Variants in IFT172 observed in about 807,000 individuals in gnomAD.
IFT172 encodes the protein intraflagellar transport protein 172 homolog.
Under a neutral mutation model 248.9 loss-of-function variants are expected in IFT172, and 164 were observed. The ratio of observed to expected loss-of-function variants is 0.66; its 90% CI spans 0.58 to 0.75. The LOEUF (loss-of-function observed/expected upper bound fraction) is 0.75, where lower values mean the gene tolerates loss of function less well. Among genes scored for constraint, IFT172 ranks in the 30% least tolerant of loss-of-function variants. The probability of loss-of-function intolerance (pLI) is 0.00; values close to 1 mark genes in which losing one functional copy is unlikely to be tolerated. For missense variants in IFT172, 1,950 were observed against 2,192.4 expected (o/e 0.89, Z 2.21); for synonymous variants, 729 against 791.6 (o/e 0.92, Z 1.33).
At chr2:27,481,752 G>A (rs1668390913) in intron 7 of IFT172, among the ~76,000 whole-genome samples, 1 of 151,710 alleles carries the variant, frequency 6.6e-6, no homozygotes, top group Non-Finnish European at 1.5e-5. Flanking sequence ...TGTTGGTCAG[G>A]CTGGTCTCGA....
chr2:27,468,426 G>T (rs183546477), intron 16 of IFT172, among the ~76,000 whole-genome samples: 1,757 of 151,784 alleles, frequency 0.012, 16 homozygotes, highest in South Asian at 0.037. Context: ...TAGAGATGCG[G>T]TTTCGCCATG....
chr2:27,481,385 C>T, intron 7 of IFT172, 125 bp from the exon 8 acceptor site: 1 of 692,692 alleles, frequency 1.4e-6, no homozygotes, highest in South Asian at 1.8e-5. Flanking sequence ...CAACATTTCC[C>T]TATCCCAACA....
At position 27,458,251 on chromosome 2, in the gene IFT172, TC is replaced by T. The variant is rs755300103; in HGVS notation, c.2878-29del. The T allele has an allele frequency of 3.8e-6, 6 of 1,583,548 alleles. No individual in the cohort carries two copies. The East Asian group carries it at 8.9e-5, about 24-fold the overall frequency. ...GTGGAGGCACAGAGGCAAGGCAGCC[TC>T]AGATCCAATTCCCCAGGGAAGCAGG... On this transcript the variant is annotated intron_variant, in intron 26 of 47. Transcript: ENST00000260570.
chr2:27,459,454 T>C lies in IFT172; in HGVS notation c.2711A>G (p.Asp904Gly), dbSNP rs1360727366. Reference sequence around the variant, plus strand: ...GGATGCAGTGTTCCGGTCCTGTAGATCTAATATATAAATTGCCTTCTTCCA... The same window carrying C: ...GGATGCAGTGTTCCGGTCCTGTAGACCTAATATATAAATTGCCTTCTTCCA... Reference protein sequence around the residue: ...RQWKKAIYILDLQDRNTASKY... With the variant: ...RQWKKAIYILGLQDRNTASKY... The change falls in exon 25 of 48, where the codon GAT becomes GGT. Residue 904 changes from aspartate (D) to glycine (G), a missense_variant. By Grantham distance (94) the Asp-to-Gly change is moderately conservative. Transcript: ENST00000260570. 2 of 1,614,182 alleles carry C rather than the reference T, an allele frequency of 1.2e-6. No individual in the cohort carries two copies. Among genetic ancestry groups the C allele is most frequent in the Admixed American group, 3.3e-5 (2 of 60,010 alleles).
At chr2:27,463,272 T>A in intron 18 of IFT172, 91 bp from the exon 19 acceptor site, 3 of 1,187,306 alleles carry the variant, frequency 2.5e-6, no homozygotes, top group Non-Finnish European at 3.6e-6. Flanking sequence ...GATGTACATC[T>A]ATGATGTGCC....
rs564792972 is a variant in IFT172, at chr2:27,483,377, C to T, written c.483-1G>A. On this transcript the variant is annotated splice_acceptor_variant, in intron 6 of 47. Coordinates refer to ENST00000260570, the MANE Select transcript of IFT172 (RefSeq NM_015662.3). LOFTEE classifies it high-confidence loss of function. ...AGAGAGAATTCCTTTCCCAGAGCAA[C>T]TAAAAAAGGAGAAAGGAGAGAAATA... is the stretch of plus-strand genomic sequence containing the variant. 2 of 1,592,056 alleles carry T rather than the reference C, an allele frequency of 1.3e-6. No homozygotes were observed. The highest frequency in any genetic ancestry group is 2.2e-5 in the South Asian group (2 of 90,572).
intron 16 of IFT172, among the ~76,000 whole-genome samples, chr2:27,468,751 A>T (rs906320075): frequency 2.0e-5 from 3 of 150,858 alleles, no homozygotes; most frequent in Admixed American, 1.3e-4. Context: ...TGGGAGGCTG[A>T]GGCAGGAGAA....
intron 42 of IFT172, 147 bp from the exon 43 acceptor site, chr2:27,446,502 T>TG: frequency 3.0e-6 from 2 of 658,966 alleles, no homozygotes; most frequent in Non-Finnish European, 5.1e-6. Flanking sequence ...GTCTTAGTTT[T>TG]TTTTTTCTTT....
At chr2:27,448,825 TCTGAGAAGATAGTTC>T (rs1243172068) in intron 40 of IFT172, 75 bp downstream of exon 40, 2 of 769,578 alleles carry the variant, frequency 2.6e-6, no homozygotes, top group East Asian at 2.4e-5. Context: ...GATAGAATCC[TCTGAGAAGATAGTTC>T]CTGAGAAGAT....
At position 27,461,094 on chromosome 2, in the gene IFT172, C is replaced by G; in HGVS notation, c.2443-1G>C. ...GAATCTTCTCAAAGAGATCACCTGC[C>G]TGTTAACACATACCACATTACTATG... On this transcript the variant is annotated splice_acceptor_variant, in intron 22 of 47. Transcript: ENST00000260570. LOFTEE classifies it high-confidence loss of function. 4.3e-6 allele frequency: 7 copies of G among 1,614,134 alleles called. No individual in the cohort carries two copies. The highest frequency in any genetic ancestry group is 5.9e-6 in the Non-Finnish European group (7 of 1,180,036).
At chr2:27,456,999 T>C (rs2148495348) in intron 29 of IFT172, among the ~76,000 whole-genome samples, 1 of 152,138 alleles carries the variant, frequency 6.6e-6, no homozygotes, top group East Asian at 1.9e-4. Context: ...GAGCCAAGAC[T>C]GTGCCACTGC....
rs1335434774 is a variant in IFT172, at chr2:27,459,818, C to T, written c.2533G>A (p.Ala845Thr). 1 of 1,611,644 alleles carries T rather than the reference C, an allele frequency of 6.2e-7. No homozygotes were observed. The highest frequency in any genetic ancestry group is 1.7e-5 in the Admixed American group (1 of 60,024). Residue 845 changes from alanine to threonine, a missense_variant, in exon 24 of 48, where the codon GCT (alanine) becomes ACT (threonine). Ala to Thr is a moderately conservative substitution (Grantham distance 58). This residue lies in a region of IFT172 where 1,166 missense variants were observed against 1,254.1 expected (regional missense o/e 0.93). Coordinates refer to ENST00000260570, the MANE Select transcript of IFT172 (RefSeq NM_015662.3). ...GNAFMKAVELARLAFPVEVVK... is the reference protein window; with the variant it reads ...GNAFMKAVELTRLAFPVEVVK... ...ACCTCCACTGGGAAGGCCAATCGAG[C>T]CAGCTCTACCGCTGCCAGGGAGAGA...
chr2:27,445,476 G>A lies in IFT172; in HGVS notation c.4915-27C>T. 1 of 1,601,258 alleles carries A rather than the reference G, an allele frequency of 6.2e-7. No individual in the cohort carries two copies. Among genetic ancestry groups the A allele is most frequent in the Non-Finnish European group, 8.5e-7 (1 of 1,173,308 alleles). Reference sequence around the variant, plus strand: ...TGGAAAGGACAAGAAGGGAGTGGTAGCTTCACACAGGGCAGGGCAGGACAA... The same window carrying A: ...TGGAAAGGACAAGAAGGGAGTGGTAACTTCACACAGGGCAGGGCAGGACAA... On this transcript the variant is annotated intron_variant, in intron 45 of 47. Transcript: ENST00000260570. This position sits in a 1 kb window ranked among gnomAD's most constrained non-coding sequence, Gnocchi z 4.4.
At chr2:27,466,043 C>T in intron 16 of IFT172, 161 bp from the exon 17 acceptor site, 1 of 790,004 alleles carries the variant, frequency 1.3e-6, no homozygotes, top group Middle Eastern at 2.7e-4. Context: ...TAAAAAAATA[C>T]TTCATTTATA....
chr2:27,458,834 G>C lies in IFT172; in HGVS notation c.2822C>G (p.Thr941Arg). The C allele has an allele frequency of 1.2e-6, 2 of 1,614,098 alleles. No individual in the cohort carries two copies. Among genetic ancestry groups the C allele is most frequent in the Non-Finnish European group, 1.7e-6 (2 of 1,180,016 alleles). ...AEELYTKGDR[T>R]KDAIDMYTQA... ...GGTGTACATGTCTATGGCATCTTTT[G>C]TCCGATCTCCCTTAGTATAGAGCTC... The change falls in exon 26 of 48, where the codon ACA (threonine) becomes AGA (arginine). Residue 941 changes from threonine to arginine, a missense_variant. Physicochemically the swap from Thr to Arg is moderately conservative, Grantham distance 71. This residue lies in a region of IFT172 where 1,166 missense variants were observed against 1,254.1 expected (regional missense o/e 0.93). Coordinates refer to ENST00000260570, the MANE Select transcript of IFT172 (RefSeq NM_015662.3).
intron 35 of IFT172, among the ~76,000 whole-genome samples, chr2:27,451,416 C>G (rs1665662322): frequency 6.6e-6 from 1 of 152,150 alleles, no homozygotes; most frequent in Admixed American, 6.5e-5. Flanking sequence ...AACCAATCAT[C>G]AGCCCCTCTC....
chr2:27,456,704 T>C (rs1221899362), intron 29 of IFT172, 51 bp from the exon 30 acceptor site: 5 of 1,587,580 alleles, frequency 3.1e-6, no homozygotes, highest in African/African-American at 1.3e-5. Context: ...TTCTCCCTTC[T>C]CATCTCTGAC....
At chr2:27,483,681 C>G in intron 5 of IFT172, 22 bp from the exon 6 acceptor site, 1 of 1,611,274 alleles carries the variant, frequency 6.2e-7, no homozygotes, top group Non-Finnish European at 8.5e-7. Context: ...AAAATTGATA[C>G]AAGTATGGTT....
intron 20 of IFT172, among the ~76,000 whole-genome samples, 190 bp downstream of exon 20, chr2:27,462,511 A>G (rs1666757699): frequency 6.6e-6 from 1 of 152,220 alleles, no homozygotes. Flanking sequence ...TGTCTAGAAA[A>G]GTAAGGACTG....
Sources: allele counts gnomAD v4.1 joint callset (sites outside exome capture counted in the v4.1 genomes callset), GRCh38; gene constraint gnomAD v4.1.1; regional missense constraint gnomAD v4.1.1; non-coding constraint Gnocchi (gnomAD v3.1); transcripts MANE v1.5; gene names NCBI Gene and HGNC (gene_info 2026-07-23, HGNC 2026-07-21).